ARHGEF28: variants seen among roughly 807,000 people sequenced by gnomAD.
ARHGEF28 encodes the protein 190 kDa guanine nucleotide exchange factor.
A neutral mutation model predicts 206.6 loss-of-function variants in ARHGEF28; 152 were observed. The observed-to-expected ratio is 0.74, with a 90% confidence interval of 0.64 to 0.84. The LOEUF (loss-of-function observed/expected upper bound fraction) is 0.84, where lower values mean the gene tolerates loss of function less well. Among genes scored for constraint, ARHGEF28 ranks in the 40% least tolerant of loss-of-function variants. The pLI is 0.00. For missense variants in ARHGEF28, 2,028 were observed against 2,073.2 expected, an observed-to-expected ratio of 0.98 and a Z score of 0.42; for synonymous variants, 763 against 776.4, an observed-to-expected ratio of 0.98 and a Z score of 0.29.
intron 24 of ARHGEF28, among the ~76,000 whole-genome samples, chr5:73,885,208 A>C (rs1473186010): frequency 6.6e-6 from 1 of 152,042 alleles, no homozygotes; most frequent in East Asian, 1.9e-4. Flanking sequence ...GCTTTGCCCC[A>C]CAGCTGGCTT....
intron 15 of ARHGEF28, 59 bp downstream of exon 15, chr5:73,857,838 T>G (rs935331611): frequency 2.3e-5 from 35 of 1,527,718 alleles, no homozygotes; most frequent in Non-Finnish European, 3.0e-5. Context: ...TTCTCAGCAG[T>G]TAGTATAATT....
intron 9 of ARHGEF28, among the ~76,000 whole-genome samples, chr5:73,823,109 C>A (rs1386321): frequency 1.3e-5 from 2 of 152,158 alleles, no homozygotes; most frequent in African/African-American, 2.4e-5. Context: ...ACCGTGTTTG[C>A]GTTCTGGTTC....
At chr5:73,830,441 C>T (rs562752621) in intron 9 of ARHGEF28, among the ~76,000 whole-genome samples, 1 of 151,374 alleles carries the variant, frequency 6.6e-6, no homozygotes, top group East Asian at 2.0e-4. Flanking sequence ...GTAGTCCTAG[C>T]AACTTAGGAG....
At chr5:73,814,116 A>T (rs1190494622) in intron 9 of ARHGEF28, among the ~76,000 whole-genome samples, 1 of 152,116 alleles carries the variant, frequency 6.6e-6, no homozygotes, top group African/African-American at 2.4e-5. Context: ...ATAGTAATTT[A>T]AAAAAATTTT....
At chr5:73,800,268 A>G (rs879587816) in intron 9 of ARHGEF28, among the ~76,000 whole-genome samples, 1 of 152,218 alleles carries the variant, frequency 6.6e-6, no homozygotes, top group Non-Finnish European at 1.5e-5. Context: ...CATTATAGAA[A>G]GTAACTTAAA....
intron 22 of ARHGEF28, among the ~76,000 whole-genome samples, chr5:73,878,983 T>C (rs1436084803): frequency 6.6e-6 from 1 of 152,172 alleles, no homozygotes; most frequent in Non-Finnish European, 1.5e-5. Flanking sequence ...CCTTGCTAGA[T>C]TGGGGAAGTT....
At chr5:73,810,339 AT>A (rs1375846964) in intron 9 of ARHGEF28, among the ~76,000 whole-genome samples, 1 of 152,228 alleles carries the variant, frequency 6.6e-6, no homozygotes, top group Non-Finnish European at 1.5e-5. Context: ...TTTCAGAATA[AT>A]TTTGACATCA....
chr5:73,718,198 G>C (rs528890896), intron 2 of ARHGEF28, among the ~76,000 whole-genome samples: 87 of 152,224 alleles, frequency 5.7e-4, no homozygotes, highest in Middle Eastern at 3.4e-3. Flanking sequence ...ATGTATACTA[G>C]TTAGCAGGAT....
At chr5:73,802,897 T>G (rs1755227038) in intron 9 of ARHGEF28, among the ~76,000 whole-genome samples, 1 of 151,054 alleles carries the variant, frequency 6.6e-6, no homozygotes, top group Non-Finnish European at 1.5e-5. Flanking sequence ...TGTGTGTGTG[T>G]GTGTGTGTGT....
intron 31 of ARHGEF28, chr5:73,902,334 G>C (rs1394850542): frequency 6.6e-6 from 1 of 152,080 alleles, no homozygotes; most frequent in African/African-American, 2.4e-5. Flanking sequence ...TGAAGTTTGT[G>C]GTGTCCAACT....
At position 73,909,779 on chromosome 5, in the gene ARHGEF28, G is replaced by T; in HGVS notation, c.4529G>T (p.Gly1510Val). 1 of 1,516,072 alleles carries T rather than the reference G, an allele frequency of 6.6e-7. No homozygotes were observed. The highest frequency in any genetic ancestry group is 8.8e-7 in the Non-Finnish European group (1 of 1,135,960). The allele number at this position is 1,516,072 out of a possible 1,614,324, so 93.9% of individuals were successfully genotyped here. A position where few individuals can be genotyped will look rare whatever the true frequency, so the allele number is the denominator to read the frequency against. ...YQHSLERLREGQRLVEREQAR... is the reference protein window; with the variant it reads ...YQHSLERLREVQRLVEREQAR... Reference sequence around the variant, plus strand: ...CACAGCCTGGAGCGGCTGAGGGAGGGCCAGCGCCTGGTGGAGAGGGAGCAG... The same window carrying T: ...CACAGCCTGGAGCGGCTGAGGGAGGTCCAGCGCCTGGTGGAGAGGGAGCAG... The change falls in exon 34 of 36, where the codon GGC (glycine) becomes GTC (valine). Residue 1510 changes from glycine to valine, a missense_variant. By Grantham distance (109) the Gly-to-Val change is moderately radical. Transcript: ENST00000513042.
At chr5:73,933,757 T>C (rs932192056) in intron 35 of ARHGEF28, among the ~76,000 whole-genome samples, 2 of 152,192 alleles carry the variant, frequency 1.3e-5, no homozygotes, top group Non-Finnish European at 1.5e-5. Flanking sequence ...GGACATCCTA[T>C]CATTTCATCC....
intron 2 of ARHGEF28, among the ~76,000 whole-genome samples, chr5:73,741,339 ATATGTG>A (rs1269664896): frequency 1.2e-4 from 10 of 80,488 alleles, no homozygotes; most frequent in African/African-American, 2.9e-4. Flanking sequence ...TTTTAAATTT[ATATGTG>A]TGTGTGTGTG....
chr5:73,724,965 T>G (rs115775364), intron 2 of ARHGEF28, among the ~76,000 whole-genome samples: 277 of 152,352 alleles, frequency 1.8e-3, no homozygotes, highest in African/African-American at 6.5e-3. Context: ...AGGGAGATTG[T>G]TAAATGTATT....
chr5:73,862,289 G>A (rs1759449287), intron 16 of ARHGEF28, among the ~76,000 whole-genome samples: 1 of 151,930 alleles, frequency 6.6e-6, no homozygotes, highest in Non-Finnish European at 1.5e-5. Context: ...GATGCCTTTT[G>A]CATTTAGTTT....
chr5:73,769,445 A>G (rs1753094068), intron 4 of ARHGEF28, among the ~76,000 whole-genome samples: 3 of 152,166 alleles, frequency 2.0e-5, no homozygotes, highest in African/African-American at 7.2e-5. Flanking sequence ...CTTGAACTTC[A>G]TATTAATTGA....
intron 35 of ARHGEF28, among the ~76,000 whole-genome samples, chr5:73,913,921 T>C (rs1763061124): frequency 1.3e-5 from 2 of 152,202 alleles, no homozygotes; most frequent in Admixed American, 6.5e-5. Flanking sequence ...GTTTGCCCTT[T>C]TGCCTAGTCT....
chr5:73,752,988 C>T lies in ARHGEF28; in HGVS notation c.261C>T (p.Gly87=). Residue 87 remains glycine, a synonymous_variant, in exon 4 of 36, where the codon GGC becomes GGT. Coordinates refer to ENST00000513042, the MANE Select transcript of ARHGEF28 (RefSeq NM_001177693.2). ...EGYSPVTMGS[G]SVTYVDNMAC... is the part of the protein sequence containing the mutation. ...ACTCTCCGGTGACCATGGGCTCTGG[C>T]TCAGTGACCTACGTGGACAACATGG... 6.2e-7 allele frequency: 1 copy of T among 1,613,706 alleles called. No homozygotes were observed. The highest frequency in any genetic ancestry group is 8.5e-7 in the Non-Finnish European group (1 of 1,179,740).
intron 2 of ARHGEF28, among the ~76,000 whole-genome samples, chr5:73,747,810 G>A (rs1751809678): frequency 6.6e-6 from 1 of 152,156 alleles, no homozygotes; most frequent in Admixed American, 6.5e-5. Context: ...TGTAAAGCAT[G>A]GCATGGTTCT....
Sources: allele counts gnomAD v4.1 joint callset (sites outside exome capture counted in the v4.1 genomes callset), GRCh38; gene constraint gnomAD v4.1.1; transcripts MANE v1.5; gene names NCBI Gene and HGNC (gene_info 2026-07-23, HGNC 2026-07-21).